The following MAGI2 variants were observed in gnomAD, a reference collection of about 807,000 sequenced individuals.
The protein encoded by MAGI2 is membrane associated guanylate kinase, WW and PDZ domain containing 2.
Under a neutral mutation model 133.3 loss-of-function variants are expected in MAGI2, and 35 were observed. The ratio of observed to expected loss-of-function variants is 0.26; its 90% CI spans 0.20 to 0.35. MAGI2 has a LOEUF of 0.35. MAGI2 is among the 10% of genes least tolerant of loss of function. MAGI2 has a pLI of 1.00. For synonymous variants in MAGI2, 729 were observed against 710.6 expected (o/e 1.03, Z -0.41); for missense variants, 1,636 against 1,863.4 (o/e 0.88, Z 2.25).
chr7:79,311,762 T>C (rs1263307207), intron 1 of MAGI2, among the ~76,000 whole-genome samples: 1 of 152,138 alleles, frequency 6.6e-6, no homozygotes, highest in Non-Finnish European at 1.5e-5. Flanking sequence ...AACAATATTG[T>C]AACCACTTGC....
chr7:79,238,517 G>A (rs778760937), intron 1 of MAGI2, among the ~76,000 whole-genome samples: 3 of 152,172 alleles, frequency 2.0e-5, no homozygotes, highest in Non-Finnish European at 2.9e-5. Flanking sequence ...AAAGCATATC[G>A]TTTGGATAAA....
At chr7:79,079,189 A>G (rs1815813630) in intron 1 of MAGI2, among the ~76,000 whole-genome samples, 1 of 152,150 alleles carries the variant, frequency 6.6e-6, no homozygotes, top group African/African-American at 2.4e-5. Flanking sequence ...AACATCTCAA[A>G]TATTTCCTCT....
intron 2 of MAGI2, among the ~76,000 whole-genome samples, chr7:78,717,214 G>A (rs546147892): frequency 3.9e-5 from 6 of 152,086 alleles, no homozygotes; most frequent in Non-Finnish European, 5.9e-5. Flanking sequence ...CCGTCGAGCC[G>A]CCCTCCTTGT....
intron 21 of MAGI2, among the ~76,000 whole-genome samples, chr7:78,030,222 T>C (rs1584883922): frequency 6.6e-6 from 1 of 152,236 alleles, no homozygotes; most frequent in Non-Finnish European, 1.5e-5. Flanking sequence ...ATATGGATGT[T>C]ATATGCACAT....
intron 1 of MAGI2, chr7:79,412,403 A>G (rs1846204565): frequency 6.6e-6 from 1 of 152,118 alleles, no homozygotes; most frequent in South Asian, 2.1e-4. Context: ...ATTAAGTGTA[A>G]AATCTGCATT....
Position 79,057,610 on chromosome 7 carries a change from AT to A in MAGI2, c.302-50405del, listed in dbSNP as rs1179843485. On this transcript the variant is annotated intron_variant, in intron 1 of 21. Transcript: ENST00000354212. ...ACTTCTCTCAGCCCTTCTTTATGATATCACCTCTTTTAACTTTTATTCATTA... is the reference window on the plus strand; with the variant it reads ...ACTTCTCTCAGCCCTTCTTTATGATACACCTCTTTTAACTTTTATTCATTA... 2.0e-5 allele frequency among the ~76,000 whole-genome samples: 3 copies of A among 152,282 alleles called. No individual in the cohort carries two copies. In the East Asian group the frequency reaches 5.8e-4, roughly 29 times the overall value.
intron 21 of MAGI2, among the ~76,000 whole-genome samples, chr7:78,066,251 C>T (rs1813803337): frequency 6.6e-6 from 1 of 152,034 alleles, no homozygotes; most frequent in Non-Finnish European, 1.5e-5. Context: ...CATTTGAGGT[C>T]AGGAGTTCAA....
At chr7:79,447,568 G>A (rs1376910068) in intron 1 of MAGI2, among the ~76,000 whole-genome samples, 5 of 151,770 alleles carry the variant, frequency 3.3e-5, no homozygotes. Flanking sequence ...AAGTATTGTT[G>A]GTTGCTTCAC....
intron 1 of MAGI2, among the ~76,000 whole-genome samples, chr7:79,134,404 C>G (rs1296306110): frequency 6.6e-6 from 1 of 152,178 alleles, no homozygotes. Flanking sequence ...CTTCAACTCT[C>G]TAATTCCATG....
chr7:78,208,772 A>G (rs1340374576), intron 10 of MAGI2, among the ~76,000 whole-genome samples: 1 of 151,542 alleles, frequency 6.6e-6, no homozygotes, highest in Non-Finnish European at 1.5e-5. Flanking sequence ...TTGGTATTTT[A>G]CACCAACATT....
chr7:78,975,227 A>G (rs545926011), intron 2 of MAGI2, among the ~76,000 whole-genome samples: 1 of 151,900 alleles, frequency 6.6e-6, no homozygotes, highest in African/African-American at 2.4e-5. Flanking sequence ...AGCAAGCGAT[A>G]TGTTCTTCTC....
At chr7:78,960,568 T>A (rs538846948) in intron 2 of MAGI2, among the ~76,000 whole-genome samples, 7 of 152,182 alleles carry the variant, frequency 4.6e-5, no homozygotes, top group Non-Finnish European at 1.0e-4. Context: ...ATGATGGTAC[T>A]ATTAATGATG....
At chr7:78,927,174 C>T (rs1799766821) in intron 2 of MAGI2, among the ~76,000 whole-genome samples, 1 of 151,962 alleles carries the variant, frequency 6.6e-6, no homozygotes, top group African/African-American at 2.4e-5. Context: ...AACCTAGAGT[C>T]TGGTGTCTGT....
intron 2 of MAGI2, among the ~76,000 whole-genome samples, chr7:78,692,373 T>C (rs12540478): frequency 0.051 from 7,832 of 152,210 alleles, 282 homozygotes; most frequent in Non-Finnish European, 0.077. Context: ...TGGTGTGTGA[T>C]ACCTTAGGGA....
At chr7:78,297,833 G>A (rs1797425223) in intron 9 of MAGI2, among the ~76,000 whole-genome samples, 1 of 102,482 alleles carries the variant, frequency 9.8e-6, no homozygotes, top group Non-Finnish European at 2.2e-5. Flanking sequence ...CTGTTGTGGG[G>A]TGGGGGGAGG....
intron 1 of MAGI2, among the ~76,000 whole-genome samples, chr7:79,110,585 T>C (rs554357679): frequency 2.0e-4 from 30 of 152,294 alleles, no homozygotes; most frequent in African/African-American, 6.7e-4. Flanking sequence ...TTACAGCTCA[T>C]AGGTGAAAGG....
At chr7:79,444,994 C>T (rs950915093) in intron 1 of MAGI2, among the ~76,000 whole-genome samples, 1 of 152,068 alleles carries the variant, frequency 6.6e-6, no homozygotes, top group South Asian at 2.1e-4. Context: ...AGAACAGAGC[C>T]CTCAGAAATA....
intron 1 of MAGI2, among the ~76,000 whole-genome samples, chr7:79,130,086 A>C (rs1183224024): frequency 1.3e-5 from 2 of 151,792 alleles, no homozygotes; most frequent in Non-Finnish European, 2.9e-5. Flanking sequence ...GGATCAGTTG[A>C]AGCCAGGAGG....
intron 1 of MAGI2, among the ~76,000 whole-genome samples, chr7:79,189,318 A>G (rs1356750276): frequency 2.0e-5 from 3 of 150,942 alleles, no homozygotes; most frequent in African/African-American, 7.3e-5. Flanking sequence ...TAGGCAAAAA[A>G]AAAAAAAAAA....
Sources: gnomAD v4.1 joint callset for allele counts (sites outside exome capture counted in the v4.1 genomes callset) on GRCh38, gnomAD v4.1.1 for gene constraint, MANE v1.5 for transcripts, NCBI Gene and HGNC (gene_info 2026-07-23, HGNC 2026-07-21) for gene names.